REPS1: variants seen among roughly 807,000 people sequenced by gnomAD.
The protein encoded by REPS1 is ralBP1-associated Eps domain-containing protein 1.
A neutral mutation model predicts 100.9 loss-of-function variants in REPS1; 39 were observed. That is an observed-to-expected ratio of 0.39 (90% CI 0.30 to 0.50). The LOEUF is 0.50. REPS1 is among the 20% of genes least tolerant of loss of function. The pLI is 0.86. For missense variants in REPS1, 821 were observed against 968.5 expected, an observed-to-expected ratio of 0.85 and a Z score of 2.02; for synonymous variants, 324 against 340.3, an observed-to-expected ratio of 0.95 and a Z score of 0.53.
In REPS1 at chr6:138,915,959, G is replaced by A. The variant is rs144781426; in HGVS notation, c.1619C>T (p.Ser540Leu). Reference protein sequence around the residue: ...VTRQRSHSGTSPDNTAPPPPP... With the variant: ...VTRQRSHSGTLPDNTAPPPPP... ...AGGTGGTGGTGCAGTGTTATCAGGC[G>A]ACGTTCCTGAATGAGACCTGCAAAA... is the stretch of plus-strand genomic sequence containing the variant. Residue 540 changes from serine to leucine, a missense_variant, in exon 14 of 20, where the codon TCG (serine) becomes TTG (leucine). Around this residue, in one of 3 missense-constraint regions of REPS1, gnomAD observed 757 missense variants for 866.4 expected, o/e 0.87. Coordinates refer to ENST00000450536, the MANE Select transcript of REPS1 (RefSeq NM_001286611.2). The A allele has an allele frequency of 4.3e-6, 7 of 1,613,428 alleles. No individual in the cohort carries two copies. Among genetic ancestry groups the A allele is most frequent in the East Asian group, 2.2e-5 (1 of 44,876 alleles).
At chr6:138,951,695 T>C (rs1783051644) in intron 1 of REPS1, among the ~76,000 whole-genome samples, 1 of 152,216 alleles carries the variant, frequency 6.6e-6, no homozygotes. Flanking sequence ...AATTCACCTG[T>C]GATACAGGTG....
At chr6:138,915,452 A>T (rs1214949601) in intron 14 of REPS1, among the ~76,000 whole-genome samples, 5 of 134,646 alleles carry the variant, frequency 3.7e-5, no homozygotes, top group African/African-American at 1.3e-4. Flanking sequence ...CCTTCAGATA[A>T]TTTTTTTTTT....
At chr6:138,944,701 T>C in intron 4 of REPS1, 79 bp from the exon 5 acceptor site, 2 of 1,355,746 alleles carry the variant, frequency 1.5e-6, no homozygotes, top group Non-Finnish European at 2.0e-6. Context: ...CAACTCTTAC[T>C]CTGAAGAAAT....
chr6:138,924,136 C>T (rs964954458), intron 10 of REPS1, among the ~76,000 whole-genome samples: 10 of 151,866 alleles, frequency 6.6e-5, no homozygotes, highest in African/African-American at 2.4e-4. Context: ...CTCTTCTAAC[C>T]GAAAATTTAA....
Position 138,913,583 on chromosome 6 carries a change from A to G in REPS1, c.1786-633T>C, listed in dbSNP as rs191734463. Among the ~76,000 whole-genome samples, 15 of 152,360 alleles carry G rather than the reference A, an allele frequency of 9.8e-5. No homozygotes were observed. The East Asian group carries it at 1.2e-3, about 12-fold the overall frequency. On this transcript the variant is annotated intron_variant, in intron 15 of 19. Coordinates refer to ENST00000450536, the MANE Select transcript of REPS1 (RefSeq NM_001286611.2). ...AGAGAATAAGTAAATAAGAAATTAA[A>G]ATAGAGTGTGAGATGTTTTATGACA...
chr6:138,957,723 C>G (rs988400126), intron 1 of REPS1, among the ~76,000 whole-genome samples: 9 of 152,108 alleles, frequency 5.9e-5, no homozygotes, highest in African/African-American at 2.2e-4. Flanking sequence ...AAGAACTCAA[C>G]GGCTATGAAG....
intron 1 of REPS1, among the ~76,000 whole-genome samples, chr6:138,967,151 T>C (rs991727857): frequency 2.0e-5 from 3 of 152,254 alleles, no homozygotes; most frequent in Non-Finnish European, 1.5e-5. Context: ...CTTTCCATCA[T>C]GGGATAATAC....
At chr6:138,926,341 G>T in intron 10 of REPS1, 60 bp downstream of exon 10, 2 of 1,229,356 alleles carry the variant, frequency 1.6e-6, no homozygotes, top group Non-Finnish European at 2.4e-6. Context: ...AAACGATAAT[G>T]AATGGAAATT....
chr6:138,981,547 A>C (rs967775480), intron 1 of REPS1, among the ~76,000 whole-genome samples: 2 of 152,198 alleles, frequency 1.3e-5, no homozygotes, highest in African/African-American at 4.8e-5. Context: ...CCTCTTGTAT[A>C]TATCTCCTCT....
chr6:138,952,400 CT>C (rs1172985298), intron 1 of REPS1, among the ~76,000 whole-genome samples: 86 of 146,124 alleles, frequency 5.9e-4, no homozygotes, highest in Middle Eastern at 7.0e-3. Context: ...ATTTTTTTTT[CT>C]TTTTTTTTTT....
At chr6:138,970,383 C>T (rs1472683117) in intron 1 of REPS1, among the ~76,000 whole-genome samples, 2 of 150,940 alleles carry the variant, frequency 1.3e-5, no homozygotes, top group Non-Finnish European at 2.9e-5. Flanking sequence ...AGAAGTGATT[C>T]ACTGCCAGTT....
At chr6:138,978,645 C>T (rs886495838) in intron 1 of REPS1, among the ~76,000 whole-genome samples, 8 of 152,040 alleles carry the variant, frequency 5.3e-5, no homozygotes, top group African/African-American at 1.9e-4. Context: ...ATCTTGGTGA[C>T]TCTTTTCTTA....
chr6:138,955,457 A>AAAGTGTGTGTGT lies in REPS1; in HGVS notation c.154-7545_154-7544insACACACACACTT, dbSNP rs10689184. Among the ~76,000 whole-genome samples the AAAGTGTGTGTGT allele has an allele frequency of 1.3e-4, 12 of 90,734 alleles. No individual in the cohort carries two copies. In the East Asian group the frequency reaches 1.4e-3, roughly 11 times the overall value. The allele number at this position is 90,734 out of a possible 152,430, so 59.5% of individuals were successfully genotyped here. A position where few individuals can be genotyped will look rare whatever the true frequency, so the allele number is the denominator to read the frequency against. ...TGTCTCTTTAAAAAAAAAAAAAAAA[A>AAAGTGTGTGTGT]GTGTGTGTGTGTGTGTGTGTGTGTG... On this transcript the variant is annotated intron_variant, in intron 1 of 19. Coordinates refer to ENST00000450536, the MANE Select transcript of REPS1 (RefSeq NM_001286611.2).
chr6:138,953,360 A>T (rs1487701114), intron 1 of REPS1, among the ~76,000 whole-genome samples: 2 of 152,172 alleles, frequency 1.3e-5, no homozygotes, highest in Non-Finnish European at 2.9e-5. Context: ...TATCAAACTA[A>T]AAACTTCTGC....
chr6:138,920,388 G>A (rs1780676195), intron 11 of REPS1, 72 bp from the exon 12 acceptor site: 2 of 655,716 alleles, frequency 3.1e-6, no homozygotes, highest in Admixed American at 2.6e-5. Flanking sequence ...AGCTCAGAGT[G>A]TAAGACTTCA....
At chr6:138,913,240 C>T (rs920543159) in intron 15 of REPS1, among the ~76,000 whole-genome samples, 4 of 151,956 alleles carry the variant, frequency 2.6e-5, no homozygotes, top group African/African-American at 9.7e-5. Context: ...GTAGGTCTGG[C>T]CCTACCCCCA....
intron 1 of REPS1, among the ~76,000 whole-genome samples, chr6:138,956,212 A>T (rs915447656): frequency 1.3e-5 from 2 of 152,122 alleles, no homozygotes; most frequent in East Asian, 3.9e-4. Flanking sequence ...ATAAACCCAC[A>T]ATAATAAAGA....
chr6:138,938,721 C>A (rs1389355217), intron 8 of REPS1, among the ~76,000 whole-genome samples: 1 of 152,096 alleles, frequency 6.6e-6, no homozygotes, highest in African/African-American at 2.4e-5. Context: ...ATGAGAGAAA[C>A]CACCTCTGCC....
intron 13 of REPS1, among the ~76,000 whole-genome samples, chr6:138,916,822 C>A (rs1741645): frequency 0.62 from 93,699 of 151,846 alleles, 29,217 homozygotes; most frequent in Admixed American, 0.65. Flanking sequence ...GTCTCCAAGG[C>A]CTCTGGTAAT....
Sources: gnomAD v4.1 joint callset for allele counts (sites outside exome capture counted in the v4.1 genomes callset) on GRCh38, gnomAD v4.1.1 for gene constraint, gnomAD v4.1.1 regional missense constraint, MANE v1.5 for transcripts, NCBI Gene and HGNC (gene_info 2026-07-23, HGNC 2026-07-21) for gene names.